LMO7: variants seen among roughly 807,000 people sequenced by gnomAD.
LMO7 encodes LIM domain only protein 7.
Under a neutral mutation model 206.5 loss-of-function variants are expected in LMO7, and 120 were observed. The ratio of observed to expected loss-of-function variants is 0.58; its 90% CI spans 0.50 to 0.68. The LOEUF is 0.68. LMO7 is among the 30% of genes least tolerant of loss of function. LMO7 has a pLI of 0.00. For missense variants in LMO7, 1,959 were observed against 1,957.9 expected, an observed-to-expected ratio of 1.00 and a Z score of -0.01; for synonymous variants, 706 against 681.5, an observed-to-expected ratio of 1.04 and a Z score of -0.56.
intron 1 of LMO7, among the ~76,000 whole-genome samples, chr13:75,622,456 C>A (rs563286419): frequency 3.5e-4 from 54 of 152,348 alleles, no homozygotes; most frequent in African/African-American, 1.2e-3. Context: ...TTAAGTCCTG[C>A]TGGAATTTAC....
intron 3 of LMO7, among the ~76,000 whole-genome samples, chr13:75,731,497 T>A (rs1329269004): frequency 6.6e-6 from 1 of 152,208 alleles, no homozygotes; most frequent in East Asian, 1.9e-4. Flanking sequence ...TCTTCCTCCA[T>A]TCTTTTATTT....
rs535425936 is a variant in LMO7, at chr13:75,858,524, T to G, written c.*581T>G. 1 of 152,770 alleles carries G rather than the reference T, an allele frequency of 6.5e-6. No homozygotes were observed. Among genetic ancestry groups the G allele is most frequent in the East Asian group, 1.9e-4 (1 of 5,192 alleles). 9.5% of individuals were successfully genotyped at this position (152,770 alleles called of 1,614,324 possible). ...GCTTGATGAAGGGAGCTCTATTTTCTTTACCAGAAATGTTGCTAAGTAATT... is the reference window on the plus strand; with the variant it reads ...GCTTGATGAAGGGAGCTCTATTTTCGTTACCAGAAATGTTGCTAAGTAATT... On this transcript the variant is annotated 3_prime_UTR_variant, in exon 31 of 31. Coordinates refer to ENST00000377534, the MANE Select transcript of LMO7 (RefSeq NM_001306080.2).
intron 1 of LMO7, among the ~76,000 whole-genome samples, chr13:75,707,723 C>T (rs1245478097): frequency 6.6e-6 from 1 of 151,960 alleles, no homozygotes; most frequent in Non-Finnish European, 1.5e-5. Context: ...TATTTAAAAC[C>T]TTTGTTTAGT....
chr13:75,709,892 G>A (rs1477821035), intron 1 of LMO7, among the ~76,000 whole-genome samples: 3 of 152,186 alleles, frequency 2.0e-5, no homozygotes, highest in Non-Finnish European at 4.4e-5. Context: ...GTCCTGAATG[G>A]TATTGCCTAG....
In LMO7 at chr13:75,821,185, A is replaced by C. The variant is rs778797848; in HGVS notation, c.2216A>C (p.Gln739Pro). Residue 739 changes from glutamine to proline, a missense_variant, in exon 14 of 31, where the codon CAA (glutamine) becomes CCA (proline). Coordinates refer to ENST00000377534, the MANE Select transcript of LMO7 (RefSeq NM_001306080.2). The part of the protein sequence containing the change: ...FKEMLQDRES[Q>P]NQKSTVPSRR... ...CATTTCTCTCCGCTAAGGGAATCCC[A>C]AAATCAAAAGTCTACAGTTCCGTCA... 2 of 1,599,776 alleles carry C rather than the reference A, an allele frequency of 1.3e-6. No individual in the cohort carries two copies.
At chr13:75,698,447 A>G (rs1336469860) in intron 1 of LMO7, among the ~76,000 whole-genome samples, 6 of 151,880 alleles carry the variant, frequency 4.0e-5, no homozygotes, top group African/African-American at 9.7e-5. Context: ...GTGCCCCCTC[A>G]CCTGGTTAAT....
At chr13:75,721,072 G>C (rs2043981640) in intron 2 of LMO7, among the ~76,000 whole-genome samples, 1 of 152,092 alleles carries the variant, frequency 6.6e-6, no homozygotes, top group East Asian at 1.9e-4. Flanking sequence ...ACCAGTCCAA[G>C]TTAATGTATC....
intron 2 of LMO7, chr13:75,627,032 A>G: frequency 6.6e-6 from 1 of 152,192 alleles, no homozygotes; most frequent in East Asian, 1.9e-4. Context: ...TTAAACTTCT[A>G]TAGGAAGTAT....
intron 2 of LMO7, among the ~76,000 whole-genome samples, chr13:75,630,392 G>A (rs946682820): frequency 2.0e-5 from 3 of 152,224 alleles, no homozygotes; most frequent in Admixed American, 2.0e-4. Flanking sequence ...ACTGTTGGCA[G>A]CTGGGCACAG....
intron 11 of LMO7, among the ~76,000 whole-genome samples, chr13:75,809,893 G>T (rs979432843): frequency 6.8e-6 from 1 of 146,792 alleles, no homozygotes; most frequent in African/African-American, 2.5e-5. Flanking sequence ...GTGAAGTGGC[G>T]CAATCTTGGC....
At chr13:75,646,677 A>T (rs2037050781) in intron 1 of LMO7, among the ~76,000 whole-genome samples, 2 of 151,546 alleles carry the variant, frequency 1.3e-5, no homozygotes, top group African/African-American at 4.9e-5. Context: ...TCCACCTCCC[A>T]GGTTCAAGCG....
In LMO7 at chr13:75,725,504, C is replaced by T. The variant is rs538283128; in HGVS notation, c.141-1525C>T. The stretch of plus-strand genomic sequence containing the variant: ...GTTCTTCTATGCATTGCAAGAATGC[C>T]ACCAGTAACAGAAATATAGAAATAC... On this transcript the variant is annotated intron_variant, in intron 2 of 30. Transcript: ENST00000377534. 2.6e-5 allele frequency among the ~76,000 whole-genome samples: 4 copies of T among 152,106 alleles called. No homozygotes were observed. The East Asian group carries it at 5.8e-4, about 22-fold the overall frequency.
intron 2 of LMO7, among the ~76,000 whole-genome samples, chr13:75,628,722 C>T (rs1445168050): frequency 6.6e-6 from 1 of 152,114 alleles, no homozygotes; most frequent in Non-Finnish European, 1.5e-5. Context: ...TAGAAGAACT[C>T]CCAGTATATC....
chr13:75,653,871 A>T lies in LMO7; in HGVS notation c.69+17145A>T, dbSNP rs1031516625. ...ATTAGAGATGTTTTTATATTTCTCA[A>T]ATATAAACTTAGGTAAGTTTGTACC... On this transcript the variant is annotated intron_variant, in intron 1 of 30. Transcript: ENST00000377534. 5.9e-5 allele frequency among the ~76,000 whole-genome samples: 9 copies of T among 152,210 alleles called. No homozygotes were observed. The South Asian group carries it at 1.2e-3, about 21-fold the overall frequency.
chr13:75,627,779 G>T (rs1478479502), intron 2 of LMO7: 5 of 151,884 alleles, frequency 3.3e-5, no homozygotes, highest in African/African-American at 1.2e-4. Context: ...TTTCCCAGAA[G>T]CTGCAATAGT....
At chr13:75,654,876 C>CT (rs60476451) in intron 1 of LMO7, among the ~76,000 whole-genome samples, 2,896 of 141,108 alleles carry the variant, frequency 0.021, 83 homozygotes, top group African/African-American at 0.064. Context: ...TCTCTTCTCT[C>CT]TTTTTTTTTT....
intron 2 of LMO7, chr13:75,628,577 T>C (rs1346044572): frequency 1.3e-5 from 2 of 152,248 alleles, no homozygotes; most frequent in Non-Finnish European, 2.9e-5. Flanking sequence ...TTCTAGTCCT[T>C]CTTTGTGTTA....
At position 75,653,977 on chromosome 13, in the gene LMO7, G is replaced by T. The variant is rs551787695; in HGVS notation, c.69+17251G>T. ...TTTTTGCAACCATAGTGGATCTCTT[G>T]ATAAAGAGTGTAATTAAATCACAAG... On this transcript the variant is annotated intron_variant, in intron 1 of 30. Coordinates refer to ENST00000377534, the MANE Select transcript of LMO7 (RefSeq NM_001306080.2). Among the ~76,000 whole-genome samples the T allele has an allele frequency of 2.9e-3, 447 of 152,258 alleles. 3 individuals are homozygous for T. The highest frequency in any genetic ancestry group is 0.01 in the African/African-American group (431 of 41,544).
chr13:75,747,974 T>C (rs2046984558), intron 3 of LMO7, among the ~76,000 whole-genome samples: 1 of 152,190 alleles, frequency 6.6e-6, no homozygotes, highest in African/African-American at 2.4e-5. Flanking sequence ...GTTGGGCACC[T>C]TGAGTTGCAT....
Sources: gnomAD v4.1 joint callset for allele counts (sites outside exome capture counted in the v4.1 genomes callset) on GRCh38, gnomAD v4.1.1 for gene constraint, MANE v1.5 for transcripts, NCBI Gene and HGNC (gene_info 2026-07-23, HGNC 2026-07-21) for gene names.